Variants in VAV2 observed in about 807,000 individuals in gnomAD.
The protein encoded by VAV2 is guanine nucleotide exchange factor VAV2.
VAV2 carries 67 observed loss-of-function variants against 132.5 expected under a neutral mutation model. That is an observed-to-expected ratio of 0.51 (90% CI 0.42 to 0.62). VAV2 has a LOEUF of 0.62. VAV2 is among the 20% of genes least tolerant of loss of function. The probability of loss-of-function intolerance (pLI) is 0.00; values close to 1 mark genes in which losing one functional copy is unlikely to be tolerated. For missense variants in VAV2, 938 were observed against 1,153.6 expected (o/e 0.81, Z 2.71); for synonymous variants, 492 against 443.5 (o/e 1.11, Z -1.37).
intron 2 of VAV2, among the ~76,000 whole-genome samples, chr9:133,865,509 G>C (rs192652108): frequency 5.3e-5 from 8 of 151,910 alleles, no homozygotes; most frequent in African/African-American, 1.5e-4. Flanking sequence ...GACACATACT[G>C]AGTTTTTCAT....
intron 4 of VAV2, among the ~76,000 whole-genome samples, chr9:133,828,789 C>CAGCCACACCTCCAGATGGGG (rs1287293780): frequency 1.3e-5 from 2 of 152,238 alleles, no homozygotes; most frequent in Non-Finnish European, 2.9e-5. Flanking sequence ...GAACAACCCT[C>CAGCCACACCTCCAGATGGGG]AGCCACACCT....
intron 1 of VAV2, among the ~76,000 whole-genome samples, chr9:133,940,672 CGT>C (rs60265901): frequency 0.033 from 4,540 of 139,340 alleles, 97 homozygotes; most frequent in Middle Eastern, 0.097. Flanking sequence ...TGTCCACGTG[CGT>C]GTGTGTGTGT....
At chr9:133,904,144 G>T (rs1839549748) in intron 2 of VAV2, among the ~76,000 whole-genome samples, 1 of 152,146 alleles carries the variant, frequency 6.6e-6, no homozygotes, top group Non-Finnish European at 1.5e-5. Context: ...AGCGAATGGG[G>T]CTCCAGCCCG....
intron 4 of VAV2, among the ~76,000 whole-genome samples, chr9:133,827,182 C>T (rs1836027233): frequency 6.6e-6 from 1 of 150,810 alleles, no homozygotes; most frequent in Non-Finnish European, 1.5e-5. Context: ...CCGCTGCGCC[C>T]ACTGGGGCTG....
At chr9:133,818,125 G>A (rs1835636465) in intron 4 of VAV2, among the ~76,000 whole-genome samples, 1 of 152,152 alleles carries the variant, frequency 6.6e-6, no homozygotes, top group South Asian at 2.1e-4. Flanking sequence ...AGCACTTTGG[G>A]GGGCCGAGGT....
intron 2 of VAV2, among the ~76,000 whole-genome samples, chr9:133,864,404 G>A (rs1458065704): frequency 6.6e-6 from 1 of 152,220 alleles, no homozygotes; most frequent in Non-Finnish European, 1.5e-5. Context: ...CGCTTGGTGA[G>A]ACTCACTGAG....
chr9:133,795,981 G>A (rs1351595031), intron 11 of VAV2, among the ~76,000 whole-genome samples: 2 of 152,258 alleles, frequency 1.3e-5, no homozygotes, highest in Non-Finnish European at 2.9e-5. Context: ...GAGTGACCGT[G>A]AGAAGGGCCA....
intron 2 of VAV2, among the ~76,000 whole-genome samples, chr9:133,871,493 G>C (rs1838053150): frequency 6.6e-6 from 1 of 151,036 alleles, no homozygotes. Flanking sequence ...TGGATGGATG[G>C]ATGGATGGAT....
At chr9:133,898,993 T>G (rs952151671) in intron 2 of VAV2, among the ~76,000 whole-genome samples, 8 of 151,672 alleles carry the variant, frequency 5.3e-5, no homozygotes, top group African/African-American at 1.9e-4. Flanking sequence ...GGCTAATTTT[T>G]TGTATTTTTA....
In VAV2 at chr9:133,777,384, C is replaced by A. The variant is rs780596730; in HGVS notation, c.1965+5G>T. Reference sequence around the variant, plus strand: ...CTCCAGAAGCTTCTGTGGGAAAGGACTCACCCTTCCATCCACAGGGCAGGG... The same window carrying A: ...CTCCAGAAGCTTCTGTGGGAAAGGAATCACCCTTCCATCCACAGGGCAGGG... On this transcript the variant is annotated splice_donor_5th_base_variant and intron_variant, in intron 23 of 29. Coordinates refer to ENST00000371850, the MANE Select transcript of VAV2 (RefSeq NM_001134398.2). 1.4e-5 allele frequency: 23 copies of A among 1,613,620 alleles called. No homozygotes were observed. The highest frequency in any genetic ancestry group is 1.9e-5 in the Non-Finnish European group (23 of 1,179,910).
In VAV2 at chr9:133,984,812, A is replaced by G. The variant is rs186707419; in HGVS notation, c.204+7263T>C. 2.5e-3 allele frequency among the ~76,000 whole-genome samples: 380 copies of G among 151,958 alleles called. 3 individuals carry two copies. The highest frequency in any genetic ancestry group is 8.3e-3 in the African/African-American group (345 of 41,474). On this transcript the variant is annotated intron_variant, in intron 1 of 29. Coordinates refer to ENST00000371850, the MANE Select transcript of VAV2 (RefSeq NM_001134398.2). ...AGTCCCAGCTACTCAGGAGGCTGAG[A>G]TGCGATAATTACTTGAACCGGGCAG...
intron 2 of VAV2, among the ~76,000 whole-genome samples, chr9:133,876,229 C>A (rs977933335): frequency 7.2e-5 from 11 of 152,242 alleles, no homozygotes; most frequent in African/African-American, 2.4e-4. Context: ...ATGCTATCAG[C>A]GCTGCTGTTC....
Position 133,809,083 on chromosome 9 carries a change from T to C in VAV2, c.623A>G (p.Glu208Gly), listed in dbSNP as rs1234687506. 6.2e-7 allele frequency: 1 copy of C among 1,613,900 alleles called. No homozygotes were observed. Among genetic ancestry groups the C allele is most frequent in the Admixed American group, 1.7e-5 (1 of 60,004 alleles). Residue 208 changes from glutamate to glycine, a missense_variant, in exon 7 of 30, where the codon GAG (glutamate) becomes GGG (glycine). Glu to Gly is a moderately conservative substitution (Grantham distance 98). Coordinates refer to ENST00000371850, the MANE Select transcript of VAV2 (RefSeq NM_001134398.2). ...KRNCCLLEIQ[E>G]TEAKYYRTLE... The stretch of plus-strand genomic sequence containing the variant: ...GGTGCGGTAGTACTTGGCCTCGGTC[T>C]CCTGGATCTCCAGCAGGCAGCAGTT...
intron 2 of VAV2, among the ~76,000 whole-genome samples, chr9:133,922,477 T>C (rs1840331692): frequency 6.6e-6 from 1 of 152,228 alleles, no homozygotes; most frequent in South Asian, 2.1e-4. Context: ...TTTACCTTCC[T>C]GCCCATCAGG....
At chr9:133,940,147 G>C (rs1841084026) in intron 1 of VAV2, among the ~76,000 whole-genome samples, 2 of 152,182 alleles carry the variant, frequency 1.3e-5, no homozygotes, top group South Asian at 4.1e-4. Context: ...AGGGTGAGTG[G>C]TTATGCCAGG....
At chr9:133,914,418 C>T (rs897924878) in intron 2 of VAV2, among the ~76,000 whole-genome samples, 3 of 151,208 alleles carry the variant, frequency 2.0e-5, no homozygotes, top group South Asian at 4.2e-4. Context: ...CTACCTGGAC[C>T]GTGGAATATT....
chr9:133,776,401 G>A (rs865999091), intron 23 of VAV2, among the ~76,000 whole-genome samples: 7 of 152,308 alleles, frequency 4.6e-5, no homozygotes, highest in Middle Eastern at 3.4e-3. Flanking sequence ...GACACCCACA[G>A]CCAAGCTCCC....
In VAV2 at chr9:133,840,406, T is replaced by C. The variant is rs1836674202; in HGVS notation, c.381-6066A>G. Among the ~76,000 whole-genome samples the C allele has an allele frequency of 6.6e-6, 1 of 151,782 alleles. No homozygotes were observed. Among genetic ancestry groups the C allele is most frequent in the Non-Finnish European group, 1.5e-5 (1 of 67,938 alleles). Reference sequence around the variant, plus strand: ...ATCCAATCCCACTCCCCAAGCTTCCTCAGCACCCACTCCCCACTCCTGCCC... The same window carrying C: ...ATCCAATCCCACTCCCCAAGCTTCCCCAGCACCCACTCCCCACTCCTGCCC... On this transcript the variant is annotated intron_variant, in intron 3 of 29. Coordinates refer to ENST00000371850, the MANE Select transcript of VAV2 (RefSeq NM_001134398.2). The surrounding 1 kb of genome is among the most constrained non-coding windows in gnomAD (Gnocchi z 4.5).
chr9:133,933,906 A>ATGGATGGATGGGTGGG (rs1840796695), intron 2 of VAV2, among the ~76,000 whole-genome samples: 1 of 134,964 alleles, frequency 7.4e-6, no homozygotes, highest in Non-Finnish European at 1.6e-5. Flanking sequence ...GGATGGGTGG[A>ATGGATGGATGGGTGGG]TGGATGGATG....
Sources: gnomAD v4.1 joint callset for allele counts (sites outside exome capture counted in the v4.1 genomes callset) on GRCh38, gnomAD v4.1.1 for gene constraint, Gnocchi (gnomAD v3.1) non-coding constraint, MANE v1.5 for transcripts, NCBI Gene and HGNC (gene_info 2026-07-23, HGNC 2026-07-21) for gene names.